The following GRM1 variants were observed in gnomAD, a reference collection of about 807,000 sequenced individuals.
GRM1 encodes glutamate metabotropic receptor 1.
Under a neutral mutation model 90.9 loss-of-function variants are expected in GRM1, and 33 were observed. The observed-to-expected ratio is 0.36, with a 90% CI of 0.28 to 0.49. The LOEUF is 0.49. Among genes scored for constraint, GRM1 ranks in the 20% least tolerant of loss-of-function variants. The pLI is 0.99. For missense variants in GRM1, 1,190 were observed against 1,534.3 expected, an observed-to-expected ratio of 0.78 and a Z score of 3.75; for synonymous variants, 700 against 613.2, an observed-to-expected ratio of 1.14 and a Z score of -2.09.
intron 5 of GRM1, among the ~76,000 whole-genome samples, chr6:146,386,380 A>G (rs1776502550): frequency 6.6e-6 from 1 of 152,076 alleles, no homozygotes; most frequent in Non-Finnish European, 1.5e-5. Flanking sequence ...CTTAGCTATC[A>G]TTCTGTTTTT....
chr6:146,317,030 C>T (rs557956134), intron 3 of GRM1, among the ~76,000 whole-genome samples: 1 of 152,206 alleles, frequency 6.6e-6, no homozygotes, highest in Non-Finnish European at 1.5e-5. Context: ...CCTCGCCTTC[C>T]AGACTTACTT....
intron 1 of GRM1, among the ~76,000 whole-genome samples, chr6:146,144,741 G>C (rs1235576384): frequency 6.6e-6 from 1 of 152,180 alleles, no homozygotes; most frequent in Non-Finnish European, 1.5e-5. Flanking sequence ...AGGCTAGAAA[G>C]ATCTGTGTCT....
chr6:146,272,739 C>T (rs1424225212), intron 2 of GRM1, among the ~76,000 whole-genome samples: 1 of 151,928 alleles, frequency 6.6e-6, no homozygotes, highest in East Asian at 1.9e-4. Flanking sequence ...GTCAAGAGTA[C>T]CAAAAAAGAA....
chr6:146,094,707 T>C (rs1186225253), intron 1 of GRM1, among the ~76,000 whole-genome samples: 4 of 152,100 alleles, frequency 2.6e-5, no homozygotes, highest in Admixed American at 2.0e-4. Flanking sequence ...TAGACTATAA[T>C]TATAATCTTG....
rs533920045 is a variant in GRM1, at chr6:146,408,263, C to T, written c.2660+8564C>T. On this transcript the variant is annotated intron_variant, in intron 7 of 7. Transcript: ENST00000282753. Reference sequence around the variant, plus strand: ...CTTCCAAAGGCCCTACCTCTTCATACTCTCACATTGGGAGATTTTAACATA... The same window carrying T: ...CTTCCAAAGGCCCTACCTCTTCATATTCTCACATTGGGAGATTTTAACATA... 7.4e-4 allele frequency among the ~76,000 whole-genome samples: 113 copies of T among 152,318 alleles called. 1 individual carries two copies. The highest frequency in any genetic ancestry group is 1.2e-3 in the South Asian group (6 of 4,824).
chr6:146,143,162 G>A (rs891220392), intron 1 of GRM1, among the ~76,000 whole-genome samples: 1 of 152,050 alleles, frequency 6.6e-6, no homozygotes, highest in African/African-American at 2.4e-5. Flanking sequence ...GTTCTCCAAG[G>A]GCTTTTAAAT....
At chr6:146,166,204 A>G (rs1777897591) in intron 2 of GRM1, among the ~76,000 whole-genome samples, 1 of 152,150 alleles carries the variant, frequency 6.6e-6, no homozygotes. Flanking sequence ...ACTTAAAAAT[A>G]GATTCCCTGA....
intron 2 of GRM1, among the ~76,000 whole-genome samples, chr6:146,261,768 G>A (rs1781702718): frequency 6.6e-6 from 1 of 151,834 alleles, no homozygotes; most frequent in Non-Finnish European, 1.5e-5. Context: ...TCTAATTTTA[G>A]CATATGGGCT....
chr6:146,233,788 C>A (rs148883103), intron 2 of GRM1, among the ~76,000 whole-genome samples: 2 of 151,964 alleles, frequency 1.3e-5, no homozygotes, highest in African/African-American at 4.8e-5. Flanking sequence ...TATAGTTAGA[C>A]GGAATAAAAA....
intron 1 of GRM1, among the ~76,000 whole-genome samples, chr6:146,111,045 TG>T (rs1333662709): frequency 6.6e-6 from 1 of 151,798 alleles, no homozygotes; most frequent in Non-Finnish European, 1.5e-5. Flanking sequence ...GCTGCAAGAG[TG>T]GTTGGCTAAA....
intron 1 of GRM1, among the ~76,000 whole-genome samples, chr6:146,108,367 C>T (rs944225278): frequency 6.6e-6 from 1 of 152,096 alleles, no homozygotes; most frequent in Admixed American, 6.6e-5. Flanking sequence ...GGGGTGGGTC[C>T]TTCCCATGTT....
intron 7 of GRM1, among the ~76,000 whole-genome samples, chr6:146,412,618 T>C (rs1213356478): frequency 6.6e-6 from 1 of 152,202 alleles, no homozygotes; most frequent in Non-Finnish European, 1.5e-5. Flanking sequence ...TACCTTATTA[T>C]ACCTGTGCTC....
intron 1 of GRM1, among the ~76,000 whole-genome samples, chr6:146,106,386 A>G (rs1775298902): frequency 6.6e-6 from 1 of 152,156 alleles, no homozygotes; most frequent in Non-Finnish European, 1.5e-5. Flanking sequence ...TTCATCATAG[A>G]TAGTAGGAAA....
At chr6:146,163,288 C>T (rs1264093093) in intron 2 of GRM1, among the ~76,000 whole-genome samples, 2 of 152,104 alleles carry the variant, frequency 1.3e-5, no homozygotes, top group Non-Finnish European at 2.9e-5. Context: ...CTTCTTGTCT[C>T]TATGAAAGCT....
chr6:146,179,420 C>A (rs1057322241), intron 2 of GRM1, among the ~76,000 whole-genome samples: 1 of 152,312 alleles, frequency 6.6e-6, no homozygotes, highest in South Asian at 2.1e-4. Context: ...TCTGCTCATT[C>A]ATTTATATGA....
Position 146,071,895 on chromosome 6 carries a change from A to T in GRM1, c.700+41678A>T, listed in dbSNP as rs564960679. Among the ~76,000 whole-genome samples the T allele has an allele frequency of 5.9e-5, 9 of 152,286 alleles. No homozygotes were observed. In the East Asian group the frequency reaches 1.7e-3, roughly 29 times the overall value. On this transcript the variant is annotated intron_variant, in intron 1 of 7. Coordinates refer to ENST00000282753, the MANE Select transcript of GRM1 (RefSeq NM_001278064.2). ...AAGTTAGTATGACCTTGGCTGAGGC[A>T]ACTTTTTCAATGGAGGGAATTCTGG...
chr6:146,035,627 C>T (rs1368677457), intron 1 of GRM1, among the ~76,000 whole-genome samples: 3 of 151,896 alleles, frequency 2.0e-5, no homozygotes, highest in Admixed American at 6.6e-5. Flanking sequence ...ATTTAATGGA[C>T]ATTTTCCTTG....
intron 1 of GRM1, among the ~76,000 whole-genome samples, chr6:146,084,365 C>T (rs190570225): frequency 7.9e-5 from 12 of 151,824 alleles, no homozygotes; most frequent in Admixed American, 2.0e-4. Flanking sequence ...CTTTCTGATG[C>T]GGGCATTGAG....
chr6:146,401,506 A>C (rs1362598035), intron 7 of GRM1, among the ~76,000 whole-genome samples: 1 of 152,196 alleles, frequency 6.6e-6, no homozygotes, highest in Non-Finnish European at 1.5e-5. Context: ...AATAAGAGGA[A>C]AGAAAATGAA....
Sources: allele counts gnomAD v4.1 joint callset (sites outside exome capture counted in the v4.1 genomes callset), GRCh38; gene constraint gnomAD v4.1.1; transcripts MANE v1.5; gene names NCBI Gene and HGNC (gene_info 2026-07-23, HGNC 2026-07-21).